ZDHHC6: variants seen among roughly 807,000 people sequenced by gnomAD.
The protein encoded by ZDHHC6 is zDHHC palmitoyltransferase 6, also known as palmitoyltransferase ZDHHC6.
ZDHHC6 carries 32 observed loss-of-function variants against 57.8 expected under a neutral mutation model. That is an observed-to-expected ratio of 0.55 (90% CI 0.42 to 0.74). The LOEUF is 0.74. ZDHHC6 is among the 30% of genes least tolerant of loss of function. The probability of loss-of-function intolerance (pLI) is 0.00; values close to 1 mark genes in which losing one functional copy is unlikely to be tolerated. For synonymous variants in ZDHHC6, 128 were observed against 158.0 expected (o/e 0.81, Z 1.42); for missense variants, 433 against 500.7 (o/e 0.86, Z 1.29).
upstream of ZDHHC6, chr10:112,447,157 TCGGAG>T (rs1846856194): frequency 1.9e-6 from 1 of 529,786 alleles, no homozygotes; most frequent in South Asian, 2.6e-5. Flanking sequence ...TATCTTAAAG[TCGGAG>T]CGGAAAATAA....
At chr10:112,428,394 C>T (rs1589710020), downstream of ZDHHC6, 1 of 398,460 alleles carries the variant, frequency 2.5e-6, no homozygotes, top group African/African-American at 2.1e-5. Flanking sequence ...TGTGGTGTTT[C>T]TTTCCTCATG....
At chr10:112,447,556 A>G (rs1846930742), upstream of ZDHHC6, 11 of 1,441,406 alleles carry the variant, frequency 7.6e-6, no homozygotes, top group Non-Finnish European at 1.0e-5. Flanking sequence ...TGTGTCTATG[A>G]GGCGCGAGGC....
At position 112,430,748 on chromosome 10, in the gene ZDHHC6, T is replaced by C. The variant is rs367647882; in HGVS notation, c.*56A>G. The stretch of plus-strand genomic sequence containing the variant: ...CTCATTGCATAATTCTTTAGTAATA[T>C]GTACAATTTTCAAGTAATTAAGCAG... On this transcript the variant is annotated 3_prime_UTR_variant, in exon 11 of 11. Coordinates refer to ENST00000369405, the MANE Select transcript of ZDHHC6 (RefSeq NM_022494.3). The C allele has an allele frequency of 1.9e-4, 275 of 1,468,932 alleles. 4 individuals are homozygous for C. The South Asian group carries it at 3.2e-3, about 17-fold the overall frequency. 91.0% of individuals were successfully genotyped at this position (1,468,932 alleles called of 1,614,324 possible). A position where few individuals can be genotyped will look rare whatever the true frequency, so the allele number is the denominator to read the frequency against.
downstream of ZDHHC6, chr10:112,427,715 CTTT>C (rs777957572): frequency 9.3e-5 from 15 of 162,008 alleles, no homozygotes; most frequent in South Asian, 4.0e-4. Context: ...GTGCCTTCTT[CTTT>C]GTTTTGTGAT....
At chr10:112,437,755 G>T (rs1316776586) in intron 6 of ZDHHC6, among the ~76,000 whole-genome samples, 1 of 152,222 alleles carries the variant, frequency 6.6e-6, no homozygotes, top group African/African-American at 2.4e-5. Context: ...TTGGTATACA[G>T]GCTTGCTCCC....
At chr10:112,435,236 T>C (rs1003577656) in intron 6 of ZDHHC6, among the ~76,000 whole-genome samples, 2 of 152,240 alleles carry the variant, frequency 1.3e-5, no homozygotes, top group Admixed American at 6.5e-5. Context: ...GGTACAAAGA[T>C]ACATTATTTA....
intron 4 of ZDHHC6, among the ~76,000 whole-genome samples, 158 bp downstream of exon 4, chr10:112,442,034 C>G (rs930465619): frequency 6.6e-6 from 1 of 152,194 alleles, no homozygotes; most frequent in Non-Finnish European, 1.5e-5. Flanking sequence ...AGTTTTAATG[C>G]TTTCTAAAAA....
chr10:112,442,440 A>C, intron 3 of ZDHHC6, 89 bp from the exon 4 acceptor site: 1 of 1,287,838 alleles, frequency 7.8e-7, no homozygotes, highest in Non-Finnish European at 1.1e-6. Context: ...GCAAATAGGA[A>C]TCCAGCATGT....
downstream of ZDHHC6, among the ~76,000 whole-genome samples, chr10:112,429,061 ATAT>A (rs1011722945): frequency 6.6e-6 from 1 of 152,226 alleles, no homozygotes; most frequent in African/African-American, 2.4e-5. Context: ...ATAATCTTGA[ATAT>A]TAATAGTATT....
In ZDHHC6 at chr10:112,434,337, T is replaced by C. The variant is rs757369593; in HGVS notation, c.863A>G (p.Glu288Gly). ...GTGACAGCCTTCTCTTACTGGCCAC[T>C]CAAGTCCATCTCCTTCAGGGACCCC... ...WSGVPEGDGL[E>G]WPVREGCHQY... is the part of the protein sequence containing the mutation. Residue 288 changes from glutamate (E) to glycine (G), a missense_variant, in exon 7 of 11, where the codon GAG (glutamate) becomes GGG (glycine). Physicochemically the swap from Glu to Gly is moderately conservative, Grantham distance 98 (BLOSUM62 -2). Transcript: ENST00000369405. 3.7e-6 allele frequency: 6 copies of C among 1,613,690 alleles called. No individual in the cohort carries two copies.
chr10:112,446,551 A>C (rs1208774107), intron 1 of ZDHHC6, 154 bp downstream of exon 1: 1 of 152,278 alleles, frequency 6.6e-6, no homozygotes, highest in Non-Finnish European at 1.5e-5. Flanking sequence ...TTCCCGCCCG[A>C]GTCATGGAGC....
chr10:112,431,558 T>C (rs1845033597), intron 10 of ZDHHC6, among the ~76,000 whole-genome samples: 1 of 152,086 alleles, frequency 6.6e-6, no homozygotes, highest in African/African-American at 2.4e-5. Context: ...AGGTGATCCA[T>C]CTGCCTTGGT....
At chr10:112,447,303 G>GC (rs1227489657), upstream of ZDHHC6, 1 of 1,525,714 alleles carries the variant, frequency 6.6e-7, no homozygotes, top group Non-Finnish European at 8.9e-7. Flanking sequence ...AAGCCGCGGG[G>GC]CCCCTCGCTG....
downstream of ZDHHC6, among the ~76,000 whole-genome samples, chr10:112,429,811 C>A (rs752562830): frequency 1.2e-4 from 19 of 152,338 alleles, no homozygotes; most frequent in Non-Finnish European, 2.4e-4. Context: ...CTGTGGCTGG[C>A]AGCCCAAAGT....
Position 112,432,524 on chromosome 10 carries a change from G to A in ZDHHC6, c.946-3C>T, listed in dbSNP as rs1191436973. 1 of 1,611,158 alleles carries A rather than the reference G, an allele frequency of 6.2e-7. No homozygotes were observed. Among genetic ancestry groups the A allele is most frequent in the East Asian group, 2.2e-5 (1 of 44,814 alleles). ...TCTTCTATTACTTTATAGCGAACCT[G>A]TCGTCAGTGATCAGAAGAAACCTTT... On this transcript the variant is annotated splice_region_variant and splice_polypyrimidine_tract_variant and intron_variant, in intron 8 of 10. Transcript: ENST00000369405.
At chr10:112,435,369 C>T (rs998947077) in intron 6 of ZDHHC6, among the ~76,000 whole-genome samples, 3 of 151,954 alleles carry the variant, frequency 2.0e-5, no homozygotes, top group Admixed American at 6.6e-5. Flanking sequence ...AATAAAGTGC[C>T]CGTTCTGAAA....
chr10:112,434,401 T>G lies in ZDHHC6; in HGVS notation c.799A>C (p.Ser267Arg). The change falls in exon 7 of 11, where the codon AGT (serine) becomes CGT (arginine). Residue 267 changes from serine to arginine, a missense_variant. Transcript: ENST00000369405. Reference sequence around the variant, plus strand: ...ACCTGTTTAAAGTTCCTCCATCTACTTCCCATATCATATGGAAAAACAAAG... The same window carrying G: ...ACCTGTTTAAAGTTCCTCCATCTACGTCCCATATCATATGGAAAAACAAAG... ...EVFVFPYDMG[S>R]RWRNFKQVFT... The G allele has an allele frequency of 6.2e-7, 1 of 1,614,018 alleles. No homozygotes were observed. The highest frequency in any genetic ancestry group is 1.7e-5 in the Admixed American group (1 of 60,014).
chr10:112,435,728 C>T (rs1845463903), intron 6 of ZDHHC6, among the ~76,000 whole-genome samples: 1 of 152,080 alleles, frequency 6.6e-6, no homozygotes. Context: ...TTTTTATAAA[C>T]ACAGCTTCAG....
downstream of ZDHHC6, chr10:112,427,452 A>AT (rs879295674): frequency 1.8e-3 from 2,230 of 1,218,280 alleles, no homozygotes; most frequent in South Asian, 2.3e-3. Context: ...CTTTCCTCCT[A>AT]TTTTTTTTTA....
Sources: allele counts gnomAD v4.1 joint callset (sites outside exome capture counted in the v4.1 genomes callset), GRCh38; gene constraint gnomAD v4.1.1; transcripts MANE v1.5; gene names NCBI Gene and HGNC (gene_info 2026-07-23, HGNC 2026-07-21).